The following INVS variants were observed in gnomAD, a reference collection of about 807,000 sequenced individuals.
The protein encoded by INVS is inversion of embryo turning homolog.
INVS carries 86 observed loss-of-function variants against 108.8 expected under a neutral mutation model. That is an observed-to-expected ratio of 0.79 (90% CI 0.66 to 0.95). The LOEUF (loss-of-function observed/expected upper bound fraction) is 0.95, where lower values mean the gene tolerates loss of function less well. INVS is among the 40% of genes least tolerant of loss of function. The probability of loss-of-function intolerance (pLI) is 0.00; values close to 1 mark genes in which losing one functional copy is unlikely to be tolerated. For missense variants in INVS, 1,169 were observed against 1,297.4 expected, an observed-to-expected ratio of 0.90 and a Z score of 1.52; for synonymous variants, 455 against 473.5, an observed-to-expected ratio of 0.96 and a Z score of 0.51.
At chr9:100,281,513 C>T (rs887955174) in intron 12 of INVS, among the ~76,000 whole-genome samples, 8 of 152,078 alleles carry the variant, frequency 5.3e-5, no homozygotes, top group South Asian at 2.1e-4. Context: ...AATCCCACTC[C>T]GTTTTTTCTC....
chr9:100,244,208 T>C (rs1831971634), intron 7 of INVS, among the ~76,000 whole-genome samples: 1 of 152,180 alleles, frequency 6.6e-6, no homozygotes, highest in South Asian at 2.1e-4. Context: ...ATTTACCACC[T>C]AGAGTTTTGA....
chr9:100,290,663 T>C (rs1169253738), intron 13 of INVS, among the ~76,000 whole-genome samples: 1 of 152,220 alleles, frequency 6.6e-6, no homozygotes, highest in Non-Finnish European at 1.5e-5. Context: ...ATCCCTTTCT[T>C]TCTTACATGA....
intron 6 of INVS, among the ~76,000 whole-genome samples, chr9:100,241,902 A>G (rs1262796072): frequency 6.6e-6 from 1 of 152,170 alleles, no homozygotes; most frequent in Non-Finnish European, 1.5e-5. Context: ...GTATGCTACT[A>G]CCAGGTTTAT....
intron 2 of INVS, among the ~76,000 whole-genome samples, chr9:100,106,581 C>T (rs971043029): frequency 5.3e-5 from 8 of 152,088 alleles, no homozygotes; most frequent in Non-Finnish European, 8.8e-5. Context: ...CTAGATGGAC[C>T]AAACCTATCT....
At chr9:100,183,727 G>A (rs1245809025) in intron 3 of INVS, among the ~76,000 whole-genome samples, 1 of 149,068 alleles carries the variant, frequency 6.7e-6, no homozygotes, top group Non-Finnish European at 1.5e-5. Context: ...GGAGGCAGAG[G>A]TTGCAGTGAG....
Position 100,126,536 on chromosome 9 carries a change from T to G in INVS, c.260T>G (p.Leu87Arg). Residue 87 changes from leucine to arginine, a missense_variant, in exon 3 of 17, where the codon CTT (leucine) becomes CGT (arginine). Physicochemically the swap from Leu to Arg is moderately radical, Grantham distance 102. Around this residue, in one of 3 missense-constraint regions of INVS, gnomAD observed 365 missense variants for 397.5 expected, o/e 0.92. Transcript: ENST00000262457. ...CATAGCCAGAGAACAGCCCTCCATC[T>G]TGCAGCCCAGAAGGTGAGAAGTAAA... ...TDHSQRTALHLAAQKGNYRFM... is the reference protein window; with the variant it reads ...TDHSQRTALHRAAQKGNYRFM... The G allele has an allele frequency of 2.5e-6, 4 of 1,614,184 alleles. No homozygotes were observed. Among genetic ancestry groups the G allele is most frequent in the Non-Finnish European group, 3.4e-6 (4 of 1,180,024 alleles).
intron 3 of INVS, among the ~76,000 whole-genome samples, chr9:100,127,682 C>T (rs997795979): frequency 3.9e-5 from 6 of 152,190 alleles, no homozygotes; most frequent in East Asian, 1.9e-4. Context: ...TAAAAAAAGG[C>T]TGACATTAAG....
At chr9:100,235,830 T>C (rs1287657134) in intron 5 of INVS, among the ~76,000 whole-genome samples, 4 of 152,188 alleles carry the variant, frequency 2.6e-5, no homozygotes, top group Non-Finnish European at 4.4e-5. Flanking sequence ...TTGGTGAATC[T>C]GATGATTATG....
intron 3 of INVS, among the ~76,000 whole-genome samples, chr9:100,177,365 A>G (rs1479673460): frequency 6.6e-6 from 1 of 152,220 alleles, no homozygotes; most frequent in Non-Finnish European, 1.5e-5. Context: ...CAGCAAGCTA[A>G]GATCCACTGA....
chr9:100,300,204 C>G (rs1414221048), intron 16 of INVS, among the ~76,000 whole-genome samples: 1 of 152,174 alleles, frequency 6.6e-6, no homozygotes, highest in Admixed American at 6.5e-5. Context: ...TTTTCTAGAA[C>G]AACTATTCAA....
intron 3 of INVS, among the ~76,000 whole-genome samples, chr9:100,162,796 C>T (rs1057026429): frequency 2.0e-5 from 3 of 151,086 alleles, no homozygotes; most frequent in Non-Finnish European, 4.4e-5. Context: ...CACTGCACTC[C>T]AGCCTGGGTG....
At chr9:100,272,814 T>TA (rs1832996497) in intron 11 of INVS, 50 bp from the exon 12 acceptor site, 1 of 1,507,544 alleles carries the variant, frequency 6.6e-7, no homozygotes, top group Non-Finnish European at 9.2e-7. Flanking sequence ...AACTGTGCCT[T>TA]AAATTACATT....
chr9:100,233,011 T>C (rs1831561108), intron 5 of INVS, among the ~76,000 whole-genome samples: 1 of 152,168 alleles, frequency 6.6e-6, no homozygotes, highest in East Asian at 1.9e-4. Context: ...TCCATTTGTT[T>C]GTGTCCTCTC....
rs533403293 is a variant in INVS, at chr9:100,270,606, G to T, written c.1572-2258G>T. Among the ~76,000 whole-genome samples the T allele has an allele frequency of 4.3e-4, 65 of 152,036 alleles. No homozygotes were observed. In the Middle Eastern group the frequency reaches 0.017, roughly 40 times the overall value. On this transcript the variant is annotated intron_variant, in intron 11 of 16. Coordinates refer to ENST00000262457, the MANE Select transcript of INVS (RefSeq NM_014425.5). Reference sequence around the variant, plus strand: ...CTAAAAATACAAAAAAAATTAGCCGGGTGTGATGGCATGTGCCTGTAATCC... The same window carrying T: ...CTAAAAATACAAAAAAAATTAGCCGTGTGTGATGGCATGTGCCTGTAATCC...
rs1403390096 is a variant in INVS at position 100,301,233 on chromosome 9, A to C, written c.*559A>C. On this transcript the variant is annotated 3_prime_UTR_variant, in exon 17 of 17. Transcript: ENST00000262457. ...AATCAGGTTTAAATTTTAGATCAGA[A>C]TCATTGCCCACTGTTTTCATTTAGA... is the stretch of plus-strand genomic sequence containing the variant. Among the ~76,000 whole-genome samples, 1 of 151,938 alleles carries C rather than the reference A, an allele frequency of 6.6e-6. No individual in the cohort carries two copies. The highest frequency in any genetic ancestry group is 1.5e-5 in the Non-Finnish European group (1 of 67,998).
At chr9:100,253,267 C>G (rs571437222) in intron 10 of INVS, 131 bp downstream of exon 10, 22 of 699,742 alleles carry the variant, frequency 3.1e-5, no homozygotes, top group East Asian at 5.4e-5. Context: ...TTAATCATGA[C>G]TATTATTTGT....
intron 2 of INVS, among the ~76,000 whole-genome samples, chr9:100,119,821 G>C (rs930578410): frequency 6.6e-6 from 1 of 152,178 alleles, no homozygotes; most frequent in East Asian, 1.9e-4. Flanking sequence ...GCCTCCCAAA[G>C]TGTTGGGATT....
At chr9:100,138,769 C>T (rs1041553602) in intron 3 of INVS, among the ~76,000 whole-genome samples, 7 of 149,062 alleles carry the variant, frequency 4.7e-5, no homozygotes, top group African/African-American at 1.5e-4. Context: ...TGCAGCAGCA[C>T]GATCTCGGCT....
chr9:100,196,120 A>G (rs1431045433), intron 3 of INVS, among the ~76,000 whole-genome samples: 1 of 152,114 alleles, frequency 6.6e-6, no homozygotes, highest in Non-Finnish European at 1.5e-5. Context: ...GTCTTGCTGG[A>G]GTTTTTTCTT....
Sources: gnomAD v4.1 joint callset for allele counts (sites outside exome capture counted in the v4.1 genomes callset) on GRCh38, gnomAD v4.1.1 for gene constraint, gnomAD v4.1.1 regional missense constraint, MANE v1.5 for transcripts, NCBI Gene and HGNC (gene_info 2026-07-23, HGNC 2026-07-21) for gene names.